The following GRM7 variants were observed in gnomAD, a reference collection of about 807,000 sequenced individuals.
The protein encoded by GRM7 is glutamate metabotropic receptor 7.
A neutral mutation model predicts 84.5 loss-of-function variants in GRM7; 35 were observed. The observed-to-expected ratio is 0.41, with a 90% confidence interval of 0.32 to 0.55. The LOEUF (loss-of-function observed/expected upper bound fraction) is 0.55, where lower values mean the gene tolerates loss of function less well. Ranked by LOEUF, GRM7 falls within the 20% of genes least tolerant of loss-of-function variation. GRM7 has a pLI of 0.19. For synonymous variants in GRM7, 487 were observed against 455.1 expected (o/e 1.07, Z -0.89); for missense variants, 1,003 against 1,194.6 (o/e 0.84, Z 2.36).
chr3:7,683,049 C>T (rs927553836), intron 9 of GRM7, among the ~76,000 whole-genome samples: 1 of 152,218 alleles, frequency 6.6e-6, no homozygotes, highest in African/African-American at 2.4e-5. Flanking sequence ...CTCTTTGCTC[C>T]TCTGTTTCTT....
chr3:7,133,592 A>G (rs773305090), intron 1 of GRM7, among the ~76,000 whole-genome samples: 3 of 152,192 alleles, frequency 2.0e-5, no homozygotes, highest in Non-Finnish European at 4.4e-5. Flanking sequence ...AAATACCTCA[A>G]AAGTCAACCT....
At chr3:7,318,423 G>T (rs966890736) in intron 4 of GRM7, among the ~76,000 whole-genome samples, 2 of 151,978 alleles carry the variant, frequency 1.3e-5, no homozygotes, top group Admixed American at 1.3e-4. Context: ...GATTGAGTGA[G>T]AACAATAAGA....
intron 7 of GRM7, among the ~76,000 whole-genome samples, chr3:7,549,751 A>G (rs1287536369): frequency 6.6e-6 from 1 of 152,258 alleles, no homozygotes; most frequent in Non-Finnish European, 1.5e-5. Flanking sequence ...TGAGGCCAGA[A>G]GATTTTGAAA....
At chr3:7,555,609 C>G (rs1693718607) in intron 7 of GRM7, among the ~76,000 whole-genome samples, 1 of 152,202 alleles carries the variant, frequency 6.6e-6, no homozygotes, top group Non-Finnish European at 1.5e-5. Flanking sequence ...AACATTGTTA[C>G]AACTGCCTGA....
chr3:6,978,881 T>C (rs983092992), intron 1 of GRM7, among the ~76,000 whole-genome samples: 9 of 152,134 alleles, frequency 5.9e-5, no homozygotes, highest in Non-Finnish European at 1.2e-4. Context: ...TCCTTGATAG[T>C]GGTTTAAAAT....
At chr3:7,161,581 A>G (rs1318717254) in intron 2 of GRM7, among the ~76,000 whole-genome samples, 1 of 152,212 alleles carries the variant, frequency 6.6e-6, no homozygotes, top group African/African-American at 2.4e-5. Flanking sequence ...CATGGTACCC[A>G]TCATAGATTA....
At chr3:7,651,063 T>C (rs560679359) in intron 8 of GRM7, among the ~76,000 whole-genome samples, 3 of 152,278 alleles carry the variant, frequency 2.0e-5, no homozygotes, top group South Asian at 2.1e-4. Context: ...ATTCAACACA[T>C]GAAGCTTAAA....
At chr3:7,064,281 A>G in intron 1 of GRM7, among the ~76,000 whole-genome samples, 1 of 150,176 alleles carries the variant, frequency 6.7e-6, no homozygotes, top group Admixed American at 6.7e-5. Flanking sequence ...TATTATTCTT[A>G]TGCCTTTGTG....
chr3:7,191,785 G>A lies in GRM7; in HGVS notation c.736+45117G>A, dbSNP rs923554697. On this transcript the variant is annotated intron_variant, in intron 2 of 9. Transcript: ENST00000357716. Reference sequence around the variant, plus strand: ...GGACAAGGGAGTTTTTCTGGATGAGGAGTTGTGCTGATTGTGGTAGTGATT... The same window carrying A: ...GGACAAGGGAGTTTTTCTGGATGAGAAGTTGTGCTGATTGTGGTAGTGATT... Among the ~76,000 whole-genome samples, 3 of 151,846 alleles carry A rather than the reference G, an allele frequency of 2.0e-5. No individual in the cohort carries two copies. The East Asian group carries it at 5.8e-4, about 29-fold the overall frequency.
At chr3:7,125,326 AGGCCAGTTT>A (rs770374877) in intron 1 of GRM7, among the ~76,000 whole-genome samples, 6 of 152,210 alleles carry the variant, frequency 3.9e-5, no homozygotes, top group Non-Finnish European at 8.8e-5. Context: ...TAAGAGATGG[AGGCCAGTTT>A]GGGAAACATA....
At chr3:6,917,813 C>T (rs1696994131) in intron 1 of GRM7, among the ~76,000 whole-genome samples, 2 of 151,996 alleles carry the variant, frequency 1.3e-5, no homozygotes, top group Non-Finnish European at 2.9e-5. Context: ...GGATTTGAGG[C>T]TCATATCTAT....
At position 6,891,699 on chromosome 3, in the gene GRM7, C is replaced by A. The variant is rs56976467; in HGVS notation, c.519+29792C>A. On this transcript the variant is annotated intron_variant, in intron 1 of 9. Coordinates refer to ENST00000357716, the MANE Select transcript of GRM7 (RefSeq NM_000844.4). ...TTCATTTCAACTTTGGCAAATCTGA[C>A]AATTATGTGTGTTGGAGTTGCTCTT... Among the ~76,000 whole-genome samples, 470 of 152,232 alleles carry A rather than the reference C, an allele frequency of 3.1e-3. 7 individuals carry two copies. The highest frequency in any genetic ancestry group is 0.011 in the African/African-American group (455 of 41,554).
intron 2 of GRM7, among the ~76,000 whole-genome samples, chr3:7,297,534 G>A (rs984919643): frequency 6.6e-6 from 1 of 152,134 alleles, no homozygotes; most frequent in Non-Finnish European, 1.5e-5. Context: ...AGGACCACAG[G>A]TGATTTCATG....
chr3:7,490,714 T>C (rs1004207199), intron 7 of GRM7, among the ~76,000 whole-genome samples: 2 of 152,130 alleles, frequency 1.3e-5, no homozygotes, highest in African/African-American at 4.8e-5. Context: ...TTTTAAAAAG[T>C]CCTGTTAAAA....
At chr3:7,369,687 T>C (rs903940808) in intron 4 of GRM7, among the ~76,000 whole-genome samples, 1 of 152,148 alleles carries the variant, frequency 6.6e-6, no homozygotes, top group Non-Finnish European at 1.5e-5. Flanking sequence ...ATTTTGTTCT[T>C]TTTCCAACTA....
chr3:7,448,884 C>T (rs1031873112), intron 5 of GRM7, among the ~76,000 whole-genome samples: 10 of 151,508 alleles, frequency 6.6e-5, no homozygotes, highest in Admixed American at 5.3e-4. Context: ...AAATGGGTCC[C>T]CTCAATTATT....
intron 2 of GRM7, among the ~76,000 whole-genome samples, chr3:7,228,135 C>A (rs975147322): frequency 1.3e-5 from 2 of 152,068 alleles, no homozygotes; most frequent in African/African-American, 4.8e-5. Context: ...TAGGATTGCC[C>A]CACCTTCAGA....
intron 1 of GRM7, among the ~76,000 whole-genome samples, chr3:7,099,632 CG>C (rs1699024419): frequency 8.4e-6 from 1 of 119,230 alleles, no homozygotes; most frequent in Admixed American, 8.6e-5. Context: ...TATATGTACA[CG>C]CATTATACAT....
At chr3:7,715,433 A>T (rs1303500479) in intron 9 of GRM7, among the ~76,000 whole-genome samples, 1 of 152,186 alleles carries the variant, frequency 6.6e-6, no homozygotes, top group Non-Finnish European at 1.5e-5. Flanking sequence ...CCATCATGCC[A>T]CTGCACTCCA....
Sources: allele counts gnomAD v4.1 joint callset (sites outside exome capture counted in the v4.1 genomes callset), GRCh38; gene constraint gnomAD v4.1.1; transcripts MANE v1.5; gene names NCBI Gene and HGNC (gene_info 2026-07-23, HGNC 2026-07-21).